The following FSAF1 variants were observed in gnomAD, a reference collection of about 807,000 sequenced individuals.
FSAF1 encodes uncharacterized protein C1orf131.
chr1:231,230,146 A>G, the FSAF1 span, among the ~76,000 whole-genome samples: 1 of 152,194 alleles, frequency 6.6e-6, no homozygotes, highest in Non-Finnish European at 1.5e-5. Context: ...TGGAGACAAT[A>G]CTTTTTAGGG....
At chr1:231,241,002 G>A in the FSAF1 span, 1 of 1,598,946 alleles carries the variant, frequency 6.3e-7, no homozygotes, top group African/African-American at 1.3e-5. Flanking sequence ...CTCCACGTGG[G>A]CTCCTGGGAC....
chr1:231,224,436 G>C, the FSAF1 span: 1 of 1,593,552 alleles, frequency 6.3e-7, no homozygotes, highest in Non-Finnish European at 8.5e-7. Flanking sequence ...GTAAGAGAAA[G>C]GTACTATAAA....
the FSAF1 span, among the ~76,000 whole-genome samples, chr1:231,227,587 T>A: frequency 7.3e-6 from 1 of 137,226 alleles, no homozygotes; most frequent in East Asian, 2.3e-4. Flanking sequence ...CGCCCACGGT[T>A]TTTTTTTTTT....
the FSAF1 span, among the ~76,000 whole-genome samples, chr1:231,231,719 AC>A: frequency 6.6e-6 from 1 of 151,744 alleles, no homozygotes. Flanking sequence ...TGAGGCTGAA[AC>A]CCCTGGGCCC....
At chr1:231,224,192 A>G in the FSAF1 span, 5 of 1,401,240 alleles carry the variant, frequency 3.6e-6, no homozygotes, top group East Asian at 1.2e-4. Context: ...ATGCGTGTTA[A>G]GAACGATCTA....
the FSAF1 span, among the ~76,000 whole-genome samples, chr1:231,233,379 T>G: frequency 6.6e-6 from 1 of 152,200 alleles, no homozygotes; most frequent in African/African-American, 2.4e-5. Flanking sequence ...TCTGGCATCC[T>G]TAGGGTCAGG....
chr1:231,241,148 G>T, the FSAF1 span: 3 of 1,605,696 alleles, frequency 1.9e-6, no homozygotes, highest in Non-Finnish European at 2.6e-6. Context: ...TCATTCTGCC[G>T]CGCTGCACCC....
chr1:231,238,455 C>A, the FSAF1 span: 1 of 170,260 alleles, frequency 5.9e-6, no homozygotes, highest in Admixed American at 5.7e-5. Flanking sequence ...GTTTACCAAA[C>A]CCTGCACATT....
chr1:231,226,615 G>T, the FSAF1 span: 1 of 859,886 alleles, frequency 1.2e-6, no homozygotes, highest in Non-Finnish European at 1.9e-6. Context: ...GAAATGGGGA[G>T]CATGGGATCC....
At chr1:231,226,689 G>C in the FSAF1 span, 1 of 1,487,436 alleles carries the variant, frequency 6.7e-7, no homozygotes. Flanking sequence ...GTGGCAAAGA[G>C]CATCCATCTT....
the FSAF1 span, chr1:231,226,526 G>A: frequency 3.3e-6 from 2 of 601,912 alleles, no homozygotes; most frequent in Non-Finnish European, 5.9e-6. Flanking sequence ...AAGACAAGGA[G>A]TTTGCTATTT....
chr1:231,241,140 A>T, the FSAF1 span: 12 of 1,609,488 alleles, frequency 7.5e-6, no homozygotes, highest in Non-Finnish European at 1.0e-5. Context: ...ATCAACCCTC[A>T]TTCTGCCGCG....
the FSAF1 span, among the ~76,000 whole-genome samples, chr1:231,239,641 T>TTGGG: frequency 6.6e-6 from 1 of 152,238 alleles, no homozygotes; most frequent in Non-Finnish European, 1.5e-5. Context: ...TTGAATGCCT[T>TTGGG]TGTTTTCTAT....
At chr1:231,237,290 C>T in the FSAF1 span, 1 of 152,334 alleles carries the variant, frequency 6.6e-6, no homozygotes, top group South Asian at 2.1e-4. Flanking sequence ...TGGACACTAA[C>T]ATACATTTAT....
the FSAF1 span, among the ~76,000 whole-genome samples, chr1:231,229,540 T>G: frequency 1.3e-5 from 2 of 152,222 alleles, no homozygotes; most frequent in Non-Finnish European, 2.9e-5. Flanking sequence ...AAGAGATATT[T>G]GTACACCTAC....
chr1:231,229,214 G>A, the FSAF1 span: 1 of 1,561,252 alleles, frequency 6.4e-7, no homozygotes, highest in African/African-American at 1.4e-5. Flanking sequence ...AGCCTGCTGA[G>A]AGAAAAAATT....
the FSAF1 span, among the ~76,000 whole-genome samples, chr1:231,240,338 A>G: frequency 6.6e-6 from 1 of 152,234 alleles, no homozygotes; most frequent in Non-Finnish European, 1.5e-5. This position sits in a 1 kb window ranked among gnomAD's most constrained non-coding sequence, Gnocchi z 4.1. Flanking sequence ...TGTAAATTTA[A>G]GAAATGTGTG....
At chr1:231,238,925 CT>C in the FSAF1 span, 1 of 1,614,212 alleles carries the variant, frequency 6.2e-7, no homozygotes, top group Non-Finnish European at 8.5e-7. Context: ...ACCACTTCTA[CT>C]TGTTCCCTAT....
the FSAF1 span, chr1:231,238,926 T>C: frequency 8.2e-5 from 133 of 1,614,190 alleles, no homozygotes; most frequent in African/African-American, 1.0e-3. Flanking sequence ...CCACTTCTAC[T>C]TGTTCCCTAT....
Sources: allele counts gnomAD v4.1 joint callset (sites outside exome capture counted in the v4.1 genomes callset), GRCh38; gene constraint gnomAD v4.1.1; non-coding constraint Gnocchi (gnomAD v3.1); transcripts MANE v1.5; gene names NCBI Gene and HGNC (gene_info 2026-07-23, HGNC 2026-07-21).